The following KLHL29 variants were observed in gnomAD, a reference collection of about 807,000 sequenced individuals.
KLHL29 encodes kelch like family member 29, also known as kelch-like protein 29.
A neutral mutation model predicts 80.4 loss-of-function variants in KLHL29; 21 were observed. The ratio of observed to expected loss-of-function variants is 0.26; its 90% CI spans 0.19 to 0.38. The LOEUF is 0.38. Ranked by LOEUF, KLHL29 falls within the 10% of genes least tolerant of loss-of-function variation. The pLI, the probability that KLHL29 is intolerant of heterozygous loss-of-function variation, is 1.00. For synonymous variants in KLHL29, 511 were observed against 526.8 expected, an observed-to-expected ratio of 0.97 and a Z score of 0.41; for missense variants, 867 against 1,223.9, an observed-to-expected ratio of 0.71 and a Z score of 4.35.
rs1558432899 is a variant in KLHL29, at chr2:23,670,964, C to G, written c.941-13435C>G. On this transcript the variant is annotated intron_variant, in intron 5 of 13. Transcript: ENST00000486442. ...TCTCTCTCTCTCTCTCTCTCTCTCT[C>G]TCTCTCTCTCTCTCTCCCTCCCTCC... Among the ~76,000 whole-genome samples, 12 of 24,036 alleles carry G rather than the reference C, an allele frequency of 5.0e-4. 2 individuals carry two copies. Among genetic ancestry groups the G allele is most frequent in the African/African-American group, 1.2e-3 (12 of 10,078 alleles). The allele number at this position is 24,036 out of a possible 152,430, so 15.8% of individuals were successfully genotyped here.
intron 3 of KLHL29, among the ~76,000 whole-genome samples, chr2:23,593,674 C>G (rs917526065): frequency 6.6e-6 from 1 of 152,204 alleles, no homozygotes; most frequent in Admixed American, 6.5e-5. Context: ...GGAGCCTGCT[C>G]CCATCTACTG....
chr2:23,565,715 C>G (rs1472247580), intron 3 of KLHL29, among the ~76,000 whole-genome samples: 1 of 152,192 alleles, frequency 6.6e-6, no homozygotes, highest in Non-Finnish European at 1.5e-5. Context: ...AGGAGCAGAG[C>G]TGTGTCCGAG....
chr2:23,637,420 A>G (rs1362882817), intron 3 of KLHL29, among the ~76,000 whole-genome samples: 2 of 152,108 alleles, frequency 1.3e-5, no homozygotes, highest in African/African-American at 4.8e-5. Flanking sequence ...TGCCTGTCCC[A>G]CAGATAGAAA....
chr2:23,671,434 C>G (rs1020570983), intron 5 of KLHL29, among the ~76,000 whole-genome samples: 3 of 152,092 alleles, frequency 2.0e-5, no homozygotes, highest in Non-Finnish European at 4.4e-5. Context: ...AAGATTAGGT[C>G]TCCAGGAAGA....
chr2:23,587,786 A>T (rs1668156559), intron 3 of KLHL29, among the ~76,000 whole-genome samples: 1 of 152,152 alleles, frequency 6.6e-6, no homozygotes, highest in Non-Finnish European at 1.5e-5. Flanking sequence ...ATGCCTGCTA[A>T]GCGGTTCCGT....
intron 1 of KLHL29, among the ~76,000 whole-genome samples, chr2:23,452,978 G>T (rs2103422788): frequency 6.6e-6 from 1 of 151,932 alleles, no homozygotes; most frequent in South Asian, 2.1e-4. Flanking sequence ...CTTTATGCTG[G>T]GACTGTGGTT....
chr2:23,597,163 A>G (rs1423470806), intron 3 of KLHL29, among the ~76,000 whole-genome samples: 2 of 151,670 alleles, frequency 1.3e-5, no homozygotes, highest in Admixed American at 6.6e-5. Context: ...CATTTTTCCA[A>G]TATAATAGGT....
At chr2:23,418,494 A>G (rs1474456746) in intron 1 of KLHL29, among the ~76,000 whole-genome samples, 2 of 152,208 alleles carry the variant, frequency 1.3e-5, no homozygotes, top group African/African-American at 4.8e-5. Context: ...AGGCTTCAGC[A>G]TGATTTAGTG....
intron 3 of KLHL29, among the ~76,000 whole-genome samples, chr2:23,574,883 A>G (rs573504380): frequency 5.3e-4 from 81 of 152,290 alleles, no homozygotes; most frequent in African/African-American, 1.9e-3. Context: ...ACAGAAGCCC[A>G]TCAGATGATG....
intron 2 of KLHL29, among the ~76,000 whole-genome samples, chr2:23,554,166 C>T (rs920741930): frequency 1.3e-5 from 2 of 152,220 alleles, no homozygotes; most frequent in Non-Finnish European, 2.9e-5. Flanking sequence ...GTGGCCAAGC[C>T]GCCTCTCCAG....
intron 1 of KLHL29, among the ~76,000 whole-genome samples, chr2:23,423,350 C>T (rs950068152): frequency 1.3e-5 from 2 of 152,356 alleles, no homozygotes; most frequent in African/African-American, 4.8e-5. Context: ...GCCTCCCACC[C>T]CAGGGTCTTC....
intron 2 of KLHL29, among the ~76,000 whole-genome samples, chr2:23,482,060 G>C (rs963504855): frequency 8.0e-4 from 122 of 152,274 alleles, no homozygotes; most frequent in African/African-American, 2.8e-3. Context: ...TTCCTTGTCC[G>C]CTGCCCTCAG....
chr2:23,504,768 G>T (rs1347656231), intron 2 of KLHL29, among the ~76,000 whole-genome samples: 1 of 152,242 alleles, frequency 6.6e-6, no homozygotes, highest in Non-Finnish European at 1.5e-5. Context: ...CATGTGCCGG[G>T]CACAAGCCAG....
intron 2 of KLHL29, among the ~76,000 whole-genome samples, chr2:23,494,711 G>A (rs1293483289): frequency 1.3e-5 from 2 of 152,172 alleles, no homozygotes; most frequent in Non-Finnish European, 2.9e-5. Context: ...TTCTGGGGCT[G>A]AGGATCATGA....
At chr2:23,664,371 T>C (rs1670498821) in intron 5 of KLHL29, among the ~76,000 whole-genome samples, 1 of 152,156 alleles carries the variant, frequency 6.6e-6, no homozygotes, top group African/African-American at 2.4e-5. Context: ...TAGCCTCTGG[T>C]TGAACTATGT....
Position 23,398,928 on chromosome 2 carries a change from C to T in KLHL29, c.-154+13148C>T, listed in dbSNP as rs1218487474. The stretch of plus-strand genomic sequence containing the variant: ...CCTGGCATCTTGTCTATGGCAAATG[C>T]TGGACCCAACATGAATGGCTCCCAG... On this transcript the variant is annotated intron_variant, in intron 1 of 13. Transcript: ENST00000486442. Among the ~76,000 whole-genome samples the T allele has an allele frequency of 2.6e-5, 4 of 152,222 alleles. No homozygotes were observed. In the East Asian group the frequency reaches 5.8e-4, roughly 22 times the overall value.
At chr2:23,460,665 G>A (rs1664183958) in intron 1 of KLHL29, among the ~76,000 whole-genome samples, 1 of 152,074 alleles carries the variant, frequency 6.6e-6, no homozygotes. Context: ...GGCCACAGGT[G>A]TGGAAAGGCA....
chr2:23,513,662 G>A (rs186592290), intron 2 of KLHL29, among the ~76,000 whole-genome samples: 5 of 152,188 alleles, frequency 3.3e-5, no homozygotes, highest in East Asian at 1.9e-4. Flanking sequence ...AGCTGGTTAC[G>A]AGTCTCCTCC....
intron 3 of KLHL29, among the ~76,000 whole-genome samples, chr2:23,586,271 T>C (rs924734008): frequency 6.6e-6 from 1 of 152,036 alleles, no homozygotes; most frequent in Admixed American, 6.6e-5. Context: ...ATCACCACTA[T>C]CTAGTTCCAG....
Sources: allele counts gnomAD v4.1 joint callset (sites outside exome capture counted in the v4.1 genomes callset), GRCh38; gene constraint gnomAD v4.1.1; transcripts MANE v1.5; gene names NCBI Gene and HGNC (gene_info 2026-07-23, HGNC 2026-07-21).